Variants in CSMD1 observed in about 807,000 individuals in gnomAD.
CSMD1 encodes the protein CUB and Sushi multiple domains 1.
CSMD1 carries 213 observed loss-of-function variants against 417.5 expected under a neutral mutation model. The ratio of observed to expected loss-of-function variants is 0.51; its 90% CI spans 0.46 to 0.57. CSMD1 has a LOEUF of 0.57. CSMD1 is among the 20% of genes least tolerant of loss of function. The probability of loss-of-function intolerance (pLI) is 0.00; values close to 1 mark genes in which losing one functional copy is unlikely to be tolerated. For synonymous variants in CSMD1, 2,862 were observed against 1,736.8 expected, an observed-to-expected ratio of 1.65 and a Z score of -16.11; for missense variants, 6,923 against 4,529.7, an observed-to-expected ratio of 1.53 and a Z score of -15.17.
intron 3 of CSMD1, among the ~76,000 whole-genome samples, chr8:4,041,059 C>G (rs1288356443): frequency 1.4e-5 from 2 of 144,542 alleles, no homozygotes; most frequent in South Asian, 2.2e-4. Flanking sequence ...CTCTGTCGCC[C>G]AGGCTGGAGT....
chr8:3,397,340 C>G (rs533981729), intron 16 of CSMD1, among the ~76,000 whole-genome samples: 11 of 152,286 alleles, frequency 7.2e-5, no homozygotes, highest in African/African-American at 2.6e-4. Context: ...GGGAAGCAAT[C>G]TTAGCCTCAT....
chr8:3,739,557 A>C (rs2720831), intron 6 of CSMD1, among the ~76,000 whole-genome samples: 1 of 152,112 alleles, frequency 6.6e-6, no homozygotes, highest in Non-Finnish European at 1.5e-5. Context: ...AAAAGGGAAA[A>C]CTGATTAAAT....
chr8:3,620,046 G>C (rs1012734220), intron 7 of CSMD1, among the ~76,000 whole-genome samples: 1 of 152,160 alleles, frequency 6.6e-6, no homozygotes, highest in Non-Finnish European at 1.5e-5. Context: ...ATGTTGCAGT[G>C]AGCTGAGACT....
chr8:4,426,040 A>G (rs559245262), intron 2 of CSMD1, among the ~76,000 whole-genome samples: 4 of 151,950 alleles, frequency 2.6e-5, no homozygotes, highest in Admixed American at 1.3e-4. Flanking sequence ...CCAAGGGATT[A>G]TGAAATTTTA....
chr8:4,576,488 T>A (rs59553804), intron 2 of CSMD1, among the ~76,000 whole-genome samples: 1 of 152,190 alleles, frequency 6.6e-6, no homozygotes, highest in Non-Finnish European at 1.5e-5. Context: ...TTTTTTCACA[T>A]ACAGTTTCTA....
intron 3 of CSMD1, among the ~76,000 whole-genome samples, chr8:4,210,878 T>C (rs578261588): frequency 4.6e-5 from 7 of 152,286 alleles, no homozygotes; most frequent in African/African-American, 1.7e-4. Context: ...GTCTTCTTGG[T>C]CCCTCAGACC....
chr8:3,024,288 G>A (rs530142329), intron 51 of CSMD1, among the ~76,000 whole-genome samples: 2 of 137,592 alleles, frequency 1.5e-5, no homozygotes, highest in African/African-American at 5.6e-5. Context: ...ACATTTTGAG[G>A]TTTTTTTTGG....
rs1491450194 is a variant in CSMD1, at chr8:3,714,559, C to CA, written c.932-6069_932-6068insT. On this transcript the variant is annotated intron_variant, in intron 6 of 69. Coordinates refer to ENST00000635120, the MANE Select transcript of CSMD1 (RefSeq NM_033225.6). ...CAACATGGCGAAACCCCATCTCTAT[C>CA]CCAAAAAAAAAAAAAAAAAAAATTA... is the stretch of plus-strand genomic sequence containing the variant. Among the ~76,000 whole-genome samples, 7 of 2,602 alleles carry CA rather than the reference C, an allele frequency of 2.7e-3. 1 individual carries two copies. Among genetic ancestry groups the CA allele is most frequent in the South Asian group, 0.017 (1 of 60 alleles). The allele number at this position is 2,602 out of a possible 152,430, so 1.7% of individuals were successfully genotyped here. A position where few individuals can be genotyped will look rare whatever the true frequency, so the allele number is the denominator to read the frequency against.
At chr8:3,816,484 C>G (rs1046388691) in intron 5 of CSMD1, among the ~76,000 whole-genome samples, 1 of 152,024 alleles carries the variant, frequency 6.6e-6, no homozygotes, top group Non-Finnish European at 1.5e-5. Flanking sequence ...CTCGCTGTGC[C>G]TAATTTATAA....
chr8:4,255,698 A>T (rs191748268), intron 3 of CSMD1, among the ~76,000 whole-genome samples: 49 of 152,344 alleles, frequency 3.2e-4, no homozygotes, highest in African/African-American at 1.1e-3. Flanking sequence ...TAGTTGAATT[A>T]TCTTAGGCAC....
At chr8:3,556,414 T>TACACA (rs1349911850) in intron 10 of CSMD1, among the ~76,000 whole-genome samples, 1 of 142,044 alleles carries the variant, frequency 7.0e-6, no homozygotes, top group Admixed American at 7.0e-5. Flanking sequence ...TATATATATA[T>TACACA]TCACACACAC....
intron 3 of CSMD1, among the ~76,000 whole-genome samples, chr8:4,178,036 T>C (rs1334013820): frequency 6.6e-6 from 1 of 152,158 alleles, no homozygotes; most frequent in Non-Finnish European, 1.5e-5. Context: ...TCTGAAACTA[T>C]TCCAATAAAT....
chr8:3,508,993 G>A (rs75527892), intron 10 of CSMD1, among the ~76,000 whole-genome samples: 9,681 of 152,250 alleles, frequency 0.064, 420 homozygotes, highest in Admixed American at 0.14. Flanking sequence ...GAATATCTCA[G>A]TGCAAATCCC....
chr8:2,945,202 T>A (rs1003421458), intron 68 of CSMD1, among the ~76,000 whole-genome samples: 4 of 152,228 alleles, frequency 2.6e-5, no homozygotes, highest in Non-Finnish European at 5.9e-5. Context: ...TTGAGGGTTT[T>A]AAAAATTGTC....
intron 3 of CSMD1, among the ~76,000 whole-genome samples, chr8:4,242,254 A>G (rs1318997600): frequency 6.6e-6 from 1 of 152,182 alleles, no homozygotes; most frequent in Non-Finnish European, 1.5e-5. Flanking sequence ...CTTTATAAAC[A>G]TCATCTTCTG....
At chr8:4,925,684 C>A (rs535084989) in intron 1 of CSMD1, among the ~76,000 whole-genome samples, 101 of 152,050 alleles carry the variant, frequency 6.6e-4, no homozygotes, top group African/African-American at 2.4e-3. Context: ...GTAGCTGGGA[C>A]TACAGGCGCC....
intron 3 of CSMD1, among the ~76,000 whole-genome samples, chr8:4,067,941 G>T (rs550115356): frequency 6.6e-6 from 1 of 152,106 alleles, no homozygotes; most frequent in Non-Finnish European, 1.5e-5. Flanking sequence ...ACTGGGCATG[G>T]TGGTGCGCTC....
chr8:3,322,347 C>T (rs751595534), intron 23 of CSMD1, among the ~76,000 whole-genome samples: 1 of 152,076 alleles, frequency 6.6e-6, no homozygotes, highest in Non-Finnish European at 1.5e-5. Context: ...AATGACTGAA[C>T]ATTCAAATTA....
intron 3 of CSMD1, among the ~76,000 whole-genome samples, chr8:4,132,893 C>A (rs933165614): frequency 6.6e-6 from 1 of 152,124 alleles, no homozygotes; most frequent in African/African-American, 2.4e-5. Context: ...GAAAGATTAT[C>A]TTTTATTAAC....
Sources: allele counts gnomAD v4.1 joint callset (sites outside exome capture counted in the v4.1 genomes callset), GRCh38; gene constraint gnomAD v4.1.1; transcripts MANE v1.5; gene names NCBI Gene and HGNC (gene_info 2026-07-23, HGNC 2026-07-21).